PTPRT: variants seen among roughly 807,000 people sequenced by gnomAD.
PTPRT encodes receptor-type tyrosine-protein phosphatase T.
A neutral mutation model predicts 176.8 loss-of-function variants in PTPRT; 56 were observed. The ratio of observed to expected loss-of-function variants is 0.32; its 90% CI spans 0.26 to 0.40. The LOEUF is 0.40. Ranked by LOEUF, PTPRT falls within the 10% of genes least tolerant of loss-of-function variation. The probability of loss-of-function intolerance (pLI) is 1.00; values close to 1 mark genes in which losing one functional copy is unlikely to be tolerated. For missense variants in PTPRT, 1,540 were observed against 1,908.2 expected (o/e 0.81, Z 3.60); for synonymous variants, 783 against 739.0 (o/e 1.06, Z -0.96).
intron 2 of PTPRT, among the ~76,000 whole-genome samples, chr20:42,869,663 C>G (rs1479655306): frequency 6.6e-6 from 1 of 152,196 alleles, no homozygotes; most frequent in Non-Finnish European, 1.5e-5. Flanking sequence ...ACACTTTGGA[C>G]TTACACTTTA....
At chr20:42,146,597 A>G (rs930611090) in intron 17 of PTPRT, among the ~76,000 whole-genome samples, 2 of 152,178 alleles carry the variant, frequency 1.3e-5, no homozygotes, top group Non-Finnish European at 2.9e-5. Flanking sequence ...TGATGCTACT[A>G]TGCAGCCATA....
At chr20:43,162,701 C>T in intron 1 of PTPRT, among the ~76,000 whole-genome samples, 1 of 139,838 alleles carries the variant, frequency 7.2e-6, no homozygotes, top group South Asian at 2.4e-4. Context: ...CTCCCCTTCC[C>T]TTCAGCCACA....
chr20:42,792,430 A>G (rs1452703079), intron 2 of PTPRT, among the ~76,000 whole-genome samples: 7 of 152,200 alleles, frequency 4.6e-5, no homozygotes, highest in Non-Finnish European at 1.0e-4. Flanking sequence ...CTTTCTAACA[A>G]GTAAAGTTGG....
intron 11 of PTPRT, among the ~76,000 whole-genome samples, chr20:42,336,378 G>A (rs2058039878): frequency 6.6e-6 from 1 of 152,058 alleles, no homozygotes; most frequent in East Asian, 1.9e-4. Context: ...CCAATTCCCA[G>A]AAGAAAGAGC....
At chr20:42,963,463 TTAAAAAA>T (rs1460740006) in intron 1 of PTPRT, among the ~76,000 whole-genome samples, 2 of 150,550 alleles carry the variant, frequency 1.3e-5, no homozygotes, top group Non-Finnish European at 3.0e-5. Context: ...GGGGTCATTT[TTAAAAAA>T]TAAAAAATGA....
At chr20:42,740,365 G>T (rs1435464415) in intron 6 of PTPRT, among the ~76,000 whole-genome samples, 3 of 152,272 alleles carry the variant, frequency 2.0e-5, no homozygotes, top group African/African-American at 7.2e-5. Flanking sequence ...TTCCTCTGGG[G>T]TTTTATCCAG....
At chr20:42,790,648 G>A (rs2077360668) in intron 3 of PTPRT, among the ~76,000 whole-genome samples, 1 of 152,064 alleles carries the variant, frequency 6.6e-6, no homozygotes, top group Non-Finnish European at 1.5e-5. Flanking sequence ...ATCCACCCCT[G>A]CAGCTCACTG....
chr20:42,427,676 C>G (rs1370213342), intron 9 of PTPRT, among the ~76,000 whole-genome samples: 1 of 152,174 alleles, frequency 6.6e-6, no homozygotes, highest in East Asian at 1.9e-4. Context: ...GGCCTCTGAG[C>G]CCAGGCCAGG....
At chr20:42,745,997 G>T (rs973559719) in intron 6 of PTPRT, among the ~76,000 whole-genome samples, 3 of 152,206 alleles carry the variant, frequency 2.0e-5, no homozygotes, top group African/African-American at 7.2e-5. Context: ...CCATACCTCA[G>T]ATCATTCTTC....
Position 42,747,209 on chromosome 20 carries a change from C to G in PTPRT, c.859+9253G>C, listed in dbSNP as rs141636500. 4.7e-3 allele frequency among the ~76,000 whole-genome samples: 723 copies of G among 152,232 alleles called. 7 individuals are homozygous for G. The highest frequency in any genetic ancestry group is 0.017 in the African/African-American group (687 of 41,540). On this transcript the variant is annotated intron_variant, in intron 6 of 30. Coordinates refer to ENST00000373187, the MANE Select transcript of PTPRT (RefSeq NM_007050.6). Reference sequence around the variant, plus strand: ...AACTTTCTCAGAGGTAGAAGGAAAACCAGGAGCTCAATCAATAACGAGAAC... The same window carrying G: ...AACTTTCTCAGAGGTAGAAGGAAAAGCAGGAGCTCAATCAATAACGAGAAC...
At chr20:42,772,631 T>C (rs533388864) in intron 4 of PTPRT, among the ~76,000 whole-genome samples, 11 of 152,304 alleles carry the variant, frequency 7.2e-5, no homozygotes, top group African/African-American at 1.4e-4. Flanking sequence ...GGTTTCTTCA[T>C]TGAGGCACAA....
chr20:42,242,873 TGAGAGTAC>T (rs2056380684), intron 14 of PTPRT, among the ~76,000 whole-genome samples: 1 of 152,026 alleles, frequency 6.6e-6, no homozygotes. Context: ...ATGACAGGTT[TGAGAGTAC>T]GAGCTTTATT....
chr20:42,695,538 AAT>A (rs1188984547), intron 6 of PTPRT, among the ~76,000 whole-genome samples: 17 of 152,220 alleles, frequency 1.1e-4, no homozygotes, highest in Non-Finnish European at 2.9e-5. Context: ...CAGGATGATG[AAT>A]AGTTAATTTA....
intron 6 of PTPRT, among the ~76,000 whole-genome samples, chr20:42,719,987 C>A (rs1045525707): frequency 1.1e-4 from 16 of 152,146 alleles, no homozygotes; most frequent in African/African-American, 3.9e-4. Flanking sequence ...TGGGCAAGAC[C>A]CCTAGGTGTG....
intron 7 of PTPRT, among the ~76,000 whole-genome samples, chr20:42,559,938 G>A (rs1036086418): frequency 2.0e-5 from 3 of 152,140 alleles, no homozygotes; most frequent in East Asian, 1.9e-4. Flanking sequence ...CAGCATTACC[G>A]AGCTCTCTTT....
chr20:42,213,362 C>T (rs143086453), intron 15 of PTPRT, among the ~76,000 whole-genome samples: 3 of 124,732 alleles, frequency 2.4e-5, no homozygotes, highest in East Asian at 2.4e-4. Flanking sequence ...ATTGAGTTGC[C>T]GTGAACACTC....
rs966973143 is a variant in PTPRT at position 42,610,384 on chromosome 20, T to TA, written c.1153+67481_1153+67482insT. On this transcript the variant is annotated intron_variant, in intron 7 of 30. Coordinates refer to ENST00000373187, the MANE Select transcript of PTPRT (RefSeq NM_007050.6). ...TCTGCGGGTTTACTTGTTTTGTTTTTTTTTTTTGTTTTTTTTTTTGAGATG... is the reference window on the plus strand; with the variant it reads ...TCTGCGGGTTTACTTGTTTTGTTTTTATTTTTTTGTTTTTTTTTTTGAGATG... Among the ~76,000 whole-genome samples the TA allele has an allele frequency of 3.2e-3, 459 of 142,386 alleles. 1 individual carries two copies. The highest frequency in any genetic ancestry group is 0.012 in the African/African-American group (418 of 34,044). The allele number at this position is 142,386 out of a possible 152,430, so 93.4% of individuals were successfully genotyped here. A position where few individuals can be genotyped will look rare whatever the true frequency, so the allele number is the denominator to read the frequency against.
intron 1 of PTPRT, among the ~76,000 whole-genome samples, chr20:43,031,512 A>G (rs147406193): frequency 5.3e-5 from 8 of 152,198 alleles, no homozygotes; most frequent in African/African-American, 1.9e-4. Flanking sequence ...ACCCAGTCTA[A>G]GGTATTTCGT....
intron 1 of PTPRT, among the ~76,000 whole-genome samples, chr20:43,057,370 TAGGGAAGGA>T (rs1319210193): frequency 8.3e-5 from 4 of 48,000 alleles, no homozygotes; most frequent in Non-Finnish European, 1.6e-4. Context: ...GGCAGGGAGG[TAGGGAAGGA>T]AGGGAAGGAA....
Sources: gnomAD v4.1 joint callset for allele counts (sites outside exome capture counted in the v4.1 genomes callset) on GRCh38, gnomAD v4.1.1 for gene constraint, MANE v1.5 for transcripts, NCBI Gene and HGNC (gene_info 2026-07-23, HGNC 2026-07-21) for gene names.